ADAMTSL1: variants seen among roughly 807,000 people sequenced by gnomAD.
ADAMTSL1 encodes ADAMTS like 1.
Under a neutral mutation model 201.8 loss-of-function variants are expected in ADAMTSL1, and 126 were observed. That is an observed-to-expected ratio of 0.62 (90% CI 0.54 to 0.72). The LOEUF is 0.72. ADAMTSL1 is among the 30% of genes least tolerant of loss of function. ADAMTSL1 has a pLI of 0.00. For synonymous variants in ADAMTSL1, 1,121 were observed against 903.4 expected (o/e 1.24, Z -4.32); for missense variants, 2,679 against 2,277.8 (o/e 1.18, Z -3.59).
At chr9:17,984,356 A>G (rs968750402) in intron 1 of ADAMTSL1, among the ~76,000 whole-genome samples, 2 of 152,108 alleles carry the variant, frequency 1.3e-5, no homozygotes, top group Non-Finnish European at 2.9e-5. Context: ...TCTGTGGTCT[A>G]TTTACTGATG....
intron 4 of ADAMTSL1, among the ~76,000 whole-genome samples, chr9:18,588,478 T>C (rs1823665010): frequency 6.6e-6 from 1 of 152,176 alleles, no homozygotes; most frequent in African/African-American, 2.4e-5. Context: ...TCTATGTGTC[T>C]GTTTTTGCTT....
At chr9:18,889,505 G>A in intron 24 of ADAMTSL1, 63 bp from the exon 25 acceptor site, 1 of 1,556,584 alleles carries the variant, frequency 6.4e-7, no homozygotes, top group Non-Finnish European at 8.8e-7. Flanking sequence ...CTGCTCAGAA[G>A]GAATTCAGAG....
chr9:18,702,766 G>GTT, intron 13 of ADAMTSL1, among the ~76,000 whole-genome samples: 1 of 149,272 alleles, frequency 6.7e-6, no homozygotes, highest in African/African-American at 2.5e-5. Flanking sequence ...AACAAAAAGA[G>GTT]TTTTTTTTTT....
At chr9:18,550,092 AC>A (rs921858512) in intron 3 of ADAMTSL1, among the ~76,000 whole-genome samples, 3 of 151,954 alleles carry the variant, frequency 2.0e-5, no homozygotes, top group Admixed American at 2.0e-4. Flanking sequence ...GTTTTGTTAA[AC>A]CAAAGAGCTT....
At chr9:18,547,633 T>TAAAAAAAA (rs56789652) in intron 3 of ADAMTSL1, among the ~76,000 whole-genome samples, 4 of 86,256 alleles carry the variant, frequency 4.6e-5, no homozygotes, top group Non-Finnish European at 6.4e-5. Flanking sequence ...TATATATATA[T>TAAAAAAAA]AAAAAAAAAA....
chr9:18,743,799 A>G (rs1348850892), intron 15 of ADAMTSL1, among the ~76,000 whole-genome samples: 1 of 152,034 alleles, frequency 6.6e-6, no homozygotes, highest in Non-Finnish European at 1.5e-5. Flanking sequence ...ATCTCCTTTG[A>G]TCTTTTACTT....
At chr9:18,067,241 T>C (rs1050132502) in intron 1 of ADAMTSL1, among the ~76,000 whole-genome samples, 2 of 152,234 alleles carry the variant, frequency 1.3e-5, no homozygotes, top group African/African-American at 4.8e-5. Flanking sequence ...TTTAATCTTT[T>C]TGTGCTAACT....
chr9:18,017,700 G>T (rs72697459), intron 1 of ADAMTSL1, among the ~76,000 whole-genome samples: 2,155 of 152,082 alleles, frequency 0.014, 26 homozygotes, highest in Non-Finnish European at 0.018. Context: ...CTCTGGAGGA[G>T]CTGTGAACTG....
At chr9:18,186,703 T>A (rs552505768) in intron 2 of ADAMTSL1, among the ~76,000 whole-genome samples, 1 of 152,268 alleles carries the variant, frequency 6.6e-6, no homozygotes, top group South Asian at 2.1e-4. Flanking sequence ...TTTCTGTAAT[T>A]TGGAATTGCA....
intron 15 of ADAMTSL1, among the ~76,000 whole-genome samples, chr9:18,729,832 G>C (rs1355873669): frequency 6.6e-6 from 1 of 152,118 alleles, no homozygotes; most frequent in East Asian, 1.9e-4. Context: ...AGCCTCCTGA[G>C]TTCTTCATTG....
intron 7 of ADAMTSL1, among the ~76,000 whole-genome samples, chr9:18,655,164 C>G (rs1419612998): frequency 1.3e-5 from 2 of 152,190 alleles, no homozygotes; most frequent in African/African-American, 2.4e-5. Context: ...TCTGGAAAAG[C>G]CTTTGTGTGC....
chr9:18,638,824 G>A (rs1827262039), intron 6 of ADAMTSL1, among the ~76,000 whole-genome samples: 1 of 152,090 alleles, frequency 6.6e-6, no homozygotes, highest in South Asian at 2.1e-4. Flanking sequence ...AAGTCATACG[G>A]GTACTGAGGC....
chr9:18,448,236 A>G (rs1458193740), intron 2 of ADAMTSL1, among the ~76,000 whole-genome samples: 1 of 152,152 alleles, frequency 6.6e-6, no homozygotes, highest in African/African-American at 2.4e-5. Flanking sequence ...GGAGGCTTGG[A>G]GAAAGAAGTT....
Position 18,454,663 on chromosome 9 carries a change from C to G in ADAMTSL1, c.208-50166C>G, listed in dbSNP as rs150567685. On this transcript the variant is annotated intron_variant, in intron 2 of 29. Transcript: ENST00000680146. ...TCCAGAAAACAGAGTTCCAATCCCA[C>G]TTTATCTCATTATTTCTGGCCCTTA... is the stretch of plus-strand genomic sequence containing the variant. Among the ~76,000 whole-genome samples the G allele has an allele frequency of 6.4e-3, 979 of 152,268 alleles. 13 individuals carry two copies. The highest frequency in any genetic ancestry group is 0.022 in the African/African-American group (935 of 41,566).
intron 20 of ADAMTSL1, among the ~76,000 whole-genome samples, chr9:18,806,540 C>T (rs1051523684): frequency 1.3e-5 from 2 of 152,242 alleles, no homozygotes; most frequent in African/African-American, 2.4e-5. Flanking sequence ...TTACAATGCT[C>T]TCTACTCTTG....
intron 1 of ADAMTSL1, among the ~76,000 whole-genome samples, chr9:17,965,627 A>G (rs372368246): frequency 1.3e-5 from 2 of 152,214 alleles, no homozygotes; most frequent in South Asian, 2.1e-4. Flanking sequence ...TCCATCATAC[A>G]TGATAAATTG....
intron 4 of ADAMTSL1, among the ~76,000 whole-genome samples, chr9:18,581,880 G>A (rs776535293): frequency 6.6e-6 from 1 of 152,168 alleles, no homozygotes; most frequent in Admixed American, 6.5e-5. Flanking sequence ...AGCTCAAGGA[G>A]GTAGAGTCAG....
intron 10 of ADAMTSL1, among the ~76,000 whole-genome samples, chr9:18,676,662 T>C (rs1217791843): frequency 1.3e-5 from 2 of 151,976 alleles, no homozygotes; most frequent in Non-Finnish European, 2.9e-5. Flanking sequence ...AAATTAGAAT[T>C]GGGATTGAAG....
At chr9:18,596,964 C>T (rs1156346877) in intron 4 of ADAMTSL1, among the ~76,000 whole-genome samples, 1 of 152,150 alleles carries the variant, frequency 6.6e-6, no homozygotes, top group East Asian at 1.9e-4. Flanking sequence ...CTCTTAGCAC[C>T]TGTTTCCTTC....
Sources: allele counts gnomAD v4.1 joint callset (sites outside exome capture counted in the v4.1 genomes callset), GRCh38; gene constraint gnomAD v4.1.1; transcripts MANE v1.5; gene names NCBI Gene and HGNC (gene_info 2026-07-23, HGNC 2026-07-21).